MAB21L2: variants seen among roughly 807,000 people sequenced by gnomAD.
MAB21L2 encodes the protein protein mab-21-like 2.
MAB21L2 carries 15 observed loss-of-function variants against 29.8 expected under a neutral mutation model. The observed-to-expected ratio is 0.50, with a 90% CI of 0.34 to 0.78. The LOEUF (loss-of-function observed/expected upper bound fraction) is 0.78, where lower values mean the gene tolerates loss of function less well. Ranked by LOEUF, MAB21L2 falls within the 30% of genes least tolerant of loss-of-function variation. The pLI is 0.01. For synonymous variants in MAB21L2, 218 were observed against 210.4 expected, an observed-to-expected ratio of 1.04 and a Z score of -0.31; for missense variants, 321 against 480.1, an observed-to-expected ratio of 0.67 and a Z score of 3.10.
rs748833323 is a variant in MAB21L2, at chr4:150,582,836, AAG to A, written c.-191_-190del. On this transcript the variant is annotated 5_prime_UTR_variant, in exon 1 of 1. Coordinates refer to ENST00000317605, the MANE Select transcript of MAB21L2 (RefSeq NM_006439.5). ...TTCTGCAGAAGAAAAGAGGTTTCGA[AAG>A]AGGGAAAAGGAAAAAACAAGCCGGC... 1.8e-4 allele frequency: 97 copies of A among 535,596 alleles called. No homozygotes were observed. The highest frequency in any genetic ancestry group is 2.1e-4 in the Non-Finnish European group (67 of 317,886). The allele number at this position is 535,596 out of a possible 1,614,324, so 33.2% of individuals were successfully genotyped here.
chr4:150,584,465 C>G lies in MAB21L2; in HGVS notation c.*356C>G, dbSNP rs1561388876. The G allele has an allele frequency of 1.7e-5, 1 of 58,110 alleles. No individual in the cohort carries two copies. Among genetic ancestry groups the G allele is most frequent in the Non-Finnish European group, 7.9e-5 (1 of 12,624 alleles). The allele number at this position is 58,110 out of a possible 1,614,324, so 3.6% of individuals were successfully genotyped here. A position where few individuals can be genotyped will look rare whatever the true frequency, so the allele number is the denominator to read the frequency against. ...TCTTTCCCCCTATCCTTTTTCTCTC[C>G]ACCCCATCCCCCCCCCCATTTCGTT... On this transcript the variant is annotated 3_prime_UTR_variant, in exon 1 of 1. Coordinates refer to ENST00000317605, the MANE Select transcript of MAB21L2 (RefSeq NM_006439.5).
chr4:150,583,857 G>C lies in MAB21L2; in HGVS notation c.828G>C (p.Thr276=). 1 of 1,614,142 alleles carries C rather than the reference G, an allele frequency of 6.2e-7. No individual in the cohort carries two copies. Among genetic ancestry groups the C allele is most frequent in the Non-Finnish European group, 8.5e-7 (1 of 1,180,018 alleles). The change falls in exon 1 of 1, where the codon ACG becomes ACC. Residue 276 remains threonine, a synonymous_variant. Transcript: ENST00000317605. This position sits in a 1 kb window ranked among gnomAD's most constrained non-coding sequence, Gnocchi z 9.8. The part of the protein sequence containing the change: ...GQPLNNYHMK[T]LLLYECEKHP... ...CGCTCAACAACTACCACATGAAGAC[G>C]CTGCTGCTGTACGAGTGCGAGAAAC...
Position 150,582,658 on chromosome 4 carries a change from C to T in MAB21L2, c.-372C>T, listed in dbSNP as rs1460080367. 1 of 193,752 alleles carries T rather than the reference C, an allele frequency of 5.2e-6. No individual in the cohort carries two copies. Among genetic ancestry groups the T allele is most frequent in the Non-Finnish European group, 1.1e-5 (1 of 94,204 alleles). 12.0% of individuals were successfully genotyped at this position (193,752 alleles called of 1,614,324 possible). ...CTCGGCTGCAGACATCTAAGCCTAA[C>T]CTTTTGGTATCCTGAGTTTTTTCCC... On this transcript the variant is annotated 5_prime_UTR_variant, in exon 1 of 1. Coordinates refer to ENST00000317605, the MANE Select transcript of MAB21L2 (RefSeq NM_006439.5).
chr4:150,583,485 C>T lies in MAB21L2; in HGVS notation c.456C>T (p.Ile152=), dbSNP rs1771672769. 1 of 1,613,792 alleles carries T rather than the reference C, an allele frequency of 6.2e-7. No homozygotes were observed. ...GCTATCGGGATGTGGTCAAGATGAT[C>T]GCGGACACCAGCGAGGTCAAGTTGC... ...KCSYRDVVKM[I]ADTSEVKLRI... Residue 152 remains isoleucine, a synonymous_variant, in exon 1 of 1, where the codon ATC becomes ATT. Transcript: ENST00000317605. This position sits in a 1 kb window ranked among gnomAD's most constrained non-coding sequence, Gnocchi z 9.8.
At position 150,583,165 on chromosome 4, in the gene MAB21L2, G is replaced by C. The variant is rs1489220847; in HGVS notation, c.136G>C (p.Glu46Gln). ...KVVSDVLKEV[E>Q]VQEPRFISSL... The stretch of plus-strand genomic sequence containing the variant: ...GGTCTCGGACGTGCTCAAGGAAGTG[G>C]AGGTGCAGGAGCCTCGCTTCATCAG... Residue 46 changes from glutamate (E) to glutamine (Q), a missense_variant, in exon 1 of 1, where the codon GAG becomes CAG. Coordinates refer to ENST00000317605, the MANE Select transcript of MAB21L2 (RefSeq NM_006439.5). The surrounding 1 kb of genome is among the most constrained non-coding windows in gnomAD (Gnocchi z 9.8). 2 of 1,614,224 alleles carry C rather than the reference G, an allele frequency of 1.2e-6. No individual in the cohort carries two copies. The highest frequency in any genetic ancestry group is 1.7e-5 in the Admixed American group (1 of 60,032).
rs1376137263 is a variant in MAB21L2, at chr4:150,582,193, TTG to T, written c.-834_-833del. 6.6e-6 allele frequency: 1 copy of T among 151,624 alleles called. No individual in the cohort carries two copies. The highest frequency in any genetic ancestry group is 1.5e-5 in the Non-Finnish European group (1 of 67,938). The allele number at this position is 151,624 out of a possible 1,614,324, so 9.4% of individuals were successfully genotyped here. A position where few individuals can be genotyped will look rare whatever the true frequency, so the allele number is the denominator to read the frequency against. ...CGACTTCGTCACACTAAAACGGATTTTGTGAGGGCCAAAAGTATAAATTACGA... is the reference window on the plus strand; with the variant it reads ...CGACTTCGTCACACTAAAACGGATTTTGAGGGCCAAAAGTATAAATTACGA... On this transcript the variant is annotated 5_prime_UTR_variant, in exon 1 of 1. An upstream open reading frame in the 5' UTR loses its in-frame stop. Coordinates refer to ENST00000317605, the MANE Select transcript of MAB21L2 (RefSeq NM_006439.5).
Position 150,582,679 on chromosome 4 carries a change from T to C in MAB21L2, c.-351T>C, listed in dbSNP as rs1224214691. On this transcript the variant is annotated 5_prime_UTR_variant, in exon 1 of 1. Transcript: ENST00000317605. Reference sequence around the variant, plus strand: ...CTAACCTTTTGGTATCCTGAGTTTTTTCCCTCTCCTTCTCCTTCCTCACGC... The same window carrying C: ...CTAACCTTTTGGTATCCTGAGTTTTCTCCCTCTCCTTCTCCTTCCTCACGC... 2 of 211,962 alleles carry C rather than the reference T, an allele frequency of 9.4e-6. No individual in the cohort carries two copies. Among genetic ancestry groups the C allele is most frequent in the African/African-American group, 4.6e-5 (2 of 43,590 alleles). 13.1% of individuals were successfully genotyped at this position (211,962 alleles called of 1,614,324 possible).
In MAB21L2 at chr4:150,583,194, C is replaced by T; in HGVS notation, c.165C>T (p.Ser55=). ...TGCAGGAGCCTCGCTTCATCAGCTC[C>T]TTGAGCGAGATCGATGCCCGCTACG... is the stretch of plus-strand genomic sequence containing the variant. ...VEVQEPRFIS[S]LSEIDARYEG... is the part of the protein sequence containing the mutation. The change falls in exon 1 of 1, where the codon TCC becomes TCT. Residue 55 remains serine (S), a synonymous_variant. Transcript: ENST00000317605. This position sits in a 1 kb window ranked among gnomAD's most constrained non-coding sequence, Gnocchi z 9.8. 6.2e-7 allele frequency: 1 copy of T among 1,614,246 alleles called. No homozygotes were observed. The highest frequency in any genetic ancestry group is 8.5e-7 in the Non-Finnish European group (1 of 1,180,044).
At position 150,584,112 on chromosome 4, in the gene MAB21L2, T is replaced by G. The variant is rs1359485709; in HGVS notation, c.*3T>G. 1 of 1,514,392 alleles carries G rather than the reference T, an allele frequency of 6.6e-7. No homozygotes were observed. Among genetic ancestry groups the G allele is most frequent in the South Asian group, 1.3e-5 (1 of 74,266 alleles). The allele number at this position is 1,514,392 out of a possible 1,614,324, so 93.8% of individuals were successfully genotyped here. On this transcript the variant is annotated 3_prime_UTR_variant, in exon 1 of 1. Coordinates refer to ENST00000317605, the MANE Select transcript of MAB21L2 (RefSeq NM_006439.5). ...CCAAAAGCCTGGACAAACTATAGGG[T>G]GCTGGGGACTGCTTGAAAAGCGACA...
Position 150,582,924 on chromosome 4 carries a change from G to A in MAB21L2, c.-106G>A, listed in dbSNP as rs995515298. 1.5e-6 allele frequency: 2 copies of A among 1,340,366 alleles called. No homozygotes were observed. Among genetic ancestry groups the A allele is most frequent in the Non-Finnish European group, 2.0e-6 (2 of 980,804 alleles). The allele number at this position is 1,340,366 out of a possible 1,614,324, so 83.0% of individuals were successfully genotyped here. A position where few individuals can be genotyped will look rare whatever the true frequency, so the allele number is the denominator to read the frequency against. On this transcript the variant is annotated 5_prime_UTR_variant, in exon 1 of 1. Transcript: ENST00000317605. Reference sequence around the variant, plus strand: ...GAGTGAAAGTAGGGCTTAACGGGGAGCGCACCGCCTCTTTCGAAAGCCGCT... The same window carrying A: ...GAGTGAAAGTAGGGCTTAACGGGGAACGCACCGCCTCTTTCGAAAGCCGCT...
rs770038706 is a variant in MAB21L2, at chr4:150,583,345, C to A, written c.316C>A (p.Arg106=). 1.2e-6 allele frequency: 2 copies of A among 1,614,064 alleles called. No individual in the cohort carries two copies. The highest frequency in any genetic ancestry group is 1.3e-5 in the African/African-American group (1 of 74,940). The part of the protein sequence containing the change: ...GCAVLKLSDG[R]KRSMSLWVEF... ...CGCAGTGCTCAAACTGAGCGATGGG[C>A]GGAAGCGGAGCATGTCTCTCTGGGT... is the stretch of plus-strand genomic sequence containing the variant. Residue 106 remains arginine, a synonymous_variant, in exon 1 of 1, where the codon CGG becomes AGG. Coordinates refer to ENST00000317605, the MANE Select transcript of MAB21L2 (RefSeq NM_006439.5). This position sits in a 1 kb window ranked among gnomAD's most constrained non-coding sequence, Gnocchi z 9.8.
chr4:150,583,005 G>A lies in MAB21L2; in HGVS notation c.-25G>A. On this transcript the variant is annotated 5_prime_UTR_variant, in exon 1 of 1. Coordinates refer to ENST00000317605, the MANE Select transcript of MAB21L2 (RefSeq NM_006439.5). This position sits in a 1 kb window ranked among gnomAD's most constrained non-coding sequence, Gnocchi z 9.8. ...CCTCAACGTATTGCGAGACGCCGGT[G>A]TATAGCCCGGACCTGTGCCCCAACA... 6.4e-7 allele frequency: 1 copy of A among 1,557,246 alleles called. No homozygotes were observed. Among genetic ancestry groups the A allele is most frequent in the Non-Finnish European group, 8.7e-7 (1 of 1,151,332 alleles).
chr4:150,583,190 G>T lies in MAB21L2; in HGVS notation c.161G>T (p.Ser54Ile). The T allele has an allele frequency of 6.2e-7, 1 of 1,614,222 alleles. No individual in the cohort carries two copies. Among genetic ancestry groups the T allele is most frequent in the South Asian group, 1.1e-5 (1 of 91,076 alleles). Residue 54 changes from serine (S) to isoleucine (I), a missense_variant, in exon 1 of 1, where the codon AGC becomes ATC. Transcript: ENST00000317605. This position sits in a 1 kb window ranked among gnomAD's most constrained non-coding sequence, Gnocchi z 9.8. ...GAGGTGCAGGAGCCTCGCTTCATCA[G>T]CTCCTTGAGCGAGATCGATGCCCGC... ...EVEVQEPRFISSLSEIDARYE... is the reference protein window; with the variant it reads ...EVEVQEPRFIISLSEIDARYE...
chr4:150,583,145 C>T lies in MAB21L2; in HGVS notation c.116C>T (p.Ser39Leu). Reference protein sequence around the residue: ...KTIREVCKVVSDVLKEVEVQE... With the variant: ...KTIREVCKVVLDVLKEVEVQE... ...ATCCGAGAGGTCTGTAAGGTGGTCT[C>T]GGACGTGCTCAAGGAAGTGGAGGTG... The change falls in exon 1 of 1, where the codon TCG (serine) becomes TTG (leucine). Residue 39 changes from serine (S) to leucine (L), a missense_variant. Coordinates refer to ENST00000317605, the MANE Select transcript of MAB21L2 (RefSeq NM_006439.5). The surrounding 1 kb of genome is among the most constrained non-coding windows in gnomAD (Gnocchi z 9.8). The T allele has an allele frequency of 1.2e-6, 2 of 1,614,184 alleles. No homozygotes were observed. The highest frequency in any genetic ancestry group is 1.7e-6 in the Non-Finnish European group (2 of 1,180,012).
rs995966739 is a variant in MAB21L2, at chr4:150,583,942, C to T, written c.913C>T (p.Leu305=). 4.3e-6 allele frequency: 7 copies of T among 1,613,412 alleles called. No individual in the cohort carries two copies. In the South Asian group the frequency reaches 6.6e-5, roughly 15 times the overall value. The change falls in exon 1 of 1, where the codon CTG becomes TTG. Residue 305 remains leucine (L), a synonymous_variant. Coordinates refer to ENST00000317605, the MANE Select transcript of MAB21L2 (RefSeq NM_006439.5). This position sits in a 1 kb window ranked among gnomAD's most constrained non-coding sequence, Gnocchi z 9.8. ...GGGCGACCGGCTCAACGGCATCCTG[C>T]TGCAGCTCATCTCCTGCCTGCAGTG... ...CLGDRLNGIL[L]QLISCLQCRR... is the part of the protein sequence containing the mutation.
In MAB21L2 at chr4:150,583,405, C is replaced by A; in HGVS notation, c.376C>A (p.Arg126Ser). ...FITASGYLSARKIRSRFQTLV... is the reference protein window; with the variant it reads ...FITASGYLSASKIRSRFQTLV... ...CACGGCGTCGGGCTATCTCTCAGCG[C>A]GTAAGATCCGCTCGCGTTTCCAGAC... Residue 126 changes from arginine (R) to serine (S), a missense_variant, in exon 1 of 1, where the codon CGT becomes AGT. Arg to Ser is a moderately radical substitution (Grantham distance 110). Coordinates refer to ENST00000317605, the MANE Select transcript of MAB21L2 (RefSeq NM_006439.5). The surrounding 1 kb of genome is among the most constrained non-coding windows in gnomAD (Gnocchi z 9.8). 6.2e-7 allele frequency: 1 copy of A among 1,614,008 alleles called. No homozygotes were observed. The highest frequency in any genetic ancestry group is 8.5e-7 in the Non-Finnish European group (1 of 1,180,032).
chr4:150,583,468 G>C lies in MAB21L2; in HGVS notation c.439G>C (p.Asp147His). ...GGCGGTGGACAAGTGCAGCTATCGGGATGTGGTCAAGATGATCGCGGACAC... is the reference window on the plus strand; with the variant it reads ...GGCGGTGGACAAGTGCAGCTATCGGCATGTGGTCAAGATGATCGCGGACAC... The part of the protein sequence containing the change: ...AQAVDKCSYR[D>H]VVKMIADTSE... The change falls in exon 1 of 1, where the codon GAT becomes CAT. Residue 147 changes from aspartate (D) to histidine (H), a missense_variant. Coordinates refer to ENST00000317605, the MANE Select transcript of MAB21L2 (RefSeq NM_006439.5). This position sits in a 1 kb window ranked among gnomAD's most constrained non-coding sequence, Gnocchi z 9.8. 6.2e-7 allele frequency: 1 copy of C among 1,613,924 alleles called. No homozygotes were observed. Among genetic ancestry groups the C allele is most frequent in the Non-Finnish European group, 8.5e-7 (1 of 1,180,036 alleles).
rs375692912 is a variant in MAB21L2, at chr4:150,583,617, C to T, written c.588C>T (p.Gly196=). 10 of 1,614,008 alleles carry T rather than the reference C, an allele frequency of 6.2e-6. No homozygotes were observed. The African/African-American group carries it at 1.3e-4, about 22-fold the overall frequency. Residue 196 remains glycine (G), a synonymous_variant, in exon 1 of 1, where the codon GGC becomes GGT. Coordinates refer to ENST00000317605, the MANE Select transcript of MAB21L2 (RefSeq NM_006439.5). The surrounding 1 kb of genome is among the most constrained non-coding windows in gnomAD (Gnocchi z 9.8). ...CTATGCCCCACATCCCTTGGCCCGG[C>T]CCCAATCGGGTGGCCGAGGTCAAGG... ...QWPMPHIPWP[G]PNRVAEVKAE...
Position 150,583,008 on chromosome 4 carries a change from T to C in MAB21L2, c.-22T>C, listed in dbSNP as rs1771595657. On this transcript the variant is annotated 5_prime_UTR_variant, in exon 1 of 1. Transcript: ENST00000317605. The surrounding 1 kb of genome is among the most constrained non-coding windows in gnomAD (Gnocchi z 9.8). ...CAACGTATTGCGAGACGCCGGTGTA[T>C]AGCCCGGACCTGTGCCCCAACATGA... The C allele has an allele frequency of 6.4e-7, 1 of 1,558,584 alleles. No individual in the cohort carries two copies. The highest frequency in any genetic ancestry group is 8.7e-7 in the Non-Finnish European group (1 of 1,151,990).
Sources: gnomAD v4.1 joint callset for allele counts on GRCh38, gnomAD v4.1.1 for gene constraint, Gnocchi (gnomAD v3.1) non-coding constraint, MANE v1.5 for transcripts, NCBI Gene and HGNC (gene_info 2026-07-23, HGNC 2026-07-21) for gene names.